Variants in ITGAM observed in about 807,000 individuals in gnomAD.
The protein encoded by ITGAM is integrin subunit alpha M.
A neutral mutation model predicts 137.5 loss-of-function variants in ITGAM; 79 were observed. That is an observed-to-expected ratio of 0.57 (90% CI 0.48 to 0.69). The LOEUF (loss-of-function observed/expected upper bound fraction) is 0.69, where lower values mean the gene tolerates loss of function less well. Ranked by LOEUF, ITGAM falls within the 30% of genes least tolerant of loss-of-function variation. The probability of loss-of-function intolerance (pLI) is 0.00; values close to 1 mark genes in which losing one functional copy is unlikely to be tolerated. For missense variants in ITGAM, 1,343 were observed against 1,483.5 expected (o/e 0.91, Z 1.56); for synonymous variants, 583 against 592.3 (o/e 0.98, Z 0.23).
At chr16:31,271,115 C>A in intron 6 of ITGAM, 31 bp downstream of exon 6, 2 of 1,479,360 alleles carry the variant, frequency 1.4e-6, no homozygotes, top group Non-Finnish European at 1.8e-6. Flanking sequence ...TAGGGAAGAG[C>A]CCACACGGGG....
At chr16:31,327,899 G>A in intron 22 of ITGAM, 1 of 511,274 alleles carries the variant, frequency 2.0e-6, no homozygotes, top group South Asian at 2.4e-5. Context: ...CTCTTCAGGA[G>A]GGCTGGCGAT....
rs192478987 is a variant in ITGAM at position 31,263,866 on chromosome 16, C to T, written c.135-1529C>T. On this transcript the variant is annotated intron_variant, in intron 2 of 29. Transcript: ENST00000544665. ...TTATTTATTTATTGAGATGGAGTCT[C>T]GCTTTGTCGTCCAGGCTGGAGTGCA... Among the ~76,000 whole-genome samples the T allele has an allele frequency of 3.4e-3, 517 of 149,966 alleles. 3 individuals carry two copies. The highest frequency in any genetic ancestry group is 0.012 in the African/African-American group (475 of 40,796).
intron 14 of ITGAM, among the ~76,000 whole-genome samples, chr16:31,302,462 T>TCTTTCTTC (rs2080213853): frequency 1.1e-5 from 1 of 94,500 alleles, no homozygotes; most frequent in African/African-American, 6.6e-5. Flanking sequence ...TTCCTTCCTT[T>TCTTTCTTC]CTTTCTTTCT....
rs2079701069 is a variant in ITGAM, at chr16:31,261,716, A to G, written c.53A>G (p.Asn18Ser). 2 of 1,612,412 alleles carry G rather than the reference A, an allele frequency of 1.2e-6. No homozygotes were observed. Among genetic ancestry groups the G allele is most frequent in the Non-Finnish European group, 1.7e-6 (2 of 1,179,336 alleles). The change falls in exon 2 of 30, where the codon AAC becomes AGC. Residue 18 changes from asparagine (N) to serine (S), a missense_variant. Asn to Ser is a conservative substitution (Grantham distance 46). Coordinates refer to ENST00000544665, the MANE Select transcript of ITGAM (RefSeq NM_000632.4). ...LTALTLCHGF[N>S]LDTENAMTFQ... ...GCCTTGACCTTATGTCATGGGTTCA[A>G]CTTGGACACTGAAAACGCAATGACC...
intron 14 of ITGAM, among the ~76,000 whole-genome samples, chr16:31,302,284 G>A (rs1187299213): frequency 1.3e-5 from 2 of 152,152 alleles, no homozygotes; most frequent in African/African-American, 4.8e-5. Flanking sequence ...CCAACTAGAG[G>A]CACTATTGAG....
At chr16:31,278,666 C>A (rs959933247) in intron 12 of ITGAM, among the ~76,000 whole-genome samples, 8 of 152,216 alleles carry the variant, frequency 5.3e-5, no homozygotes, top group African/African-American at 1.9e-4. Flanking sequence ...GCAAAACTCT[C>A]TAGTCAAAAT....
intron 23 of ITGAM, among the ~76,000 whole-genome samples, chr16:31,328,725 GGTGT>G (rs759605649): frequency 1.4e-5 from 2 of 143,210 alleles, no homozygotes; most frequent in East Asian, 2.2e-4. Flanking sequence ...TGTGTGCCTG[GGTGT>G]GTATTTGTGC....
chr16:31,295,444 T>C (rs555707403), intron 12 of ITGAM, among the ~76,000 whole-genome samples: 1 of 152,044 alleles, frequency 6.6e-6, no homozygotes, highest in East Asian at 1.9e-4. Context: ...GGTATTTTTT[T>C]TGATGCTATT....
chr16:31,275,812 C>A, intron 9 of ITGAM, 113 bp downstream of exon 9: 3 of 963,574 alleles, frequency 3.1e-6, no homozygotes, highest in East Asian at 2.6e-5. Flanking sequence ...CCAGCATCAA[C>A]TCTCTCCACT....
intron 16 of ITGAM, 81 bp downstream of exon 16, chr16:31,321,708 C>T: frequency 7.0e-7 from 1 of 1,426,246 alleles, no homozygotes; most frequent in Non-Finnish European, 9.6e-7. Context: ...GCCCAGCCTT[C>T]TGGCTGTCCT....
At position 31,264,942 on chromosome 16, in the gene ITGAM, A is replaced by G. The variant is rs990360571; in HGVS notation, c.135-453A>G. On this transcript the variant is annotated intron_variant, in intron 2 of 29. Transcript: ENST00000544665. ...GAGTGCAGTGGTGCTATCTCGGCTC[A>G]CTGCAACCTCTGCCTCCTGGGTTCA... 5.3e-5 allele frequency among the ~76,000 whole-genome samples: 8 copies of G among 152,146 alleles called. No homozygotes were observed. In the East Asian group the frequency reaches 1.5e-3, roughly 29 times the overall value.
chr16:31,325,566 G>A lies in ITGAM; in HGVS notation c.2572G>A (p.Ala858Thr). 1.2e-6 allele frequency: 2 copies of A among 1,613,906 alleles called. No homozygotes were observed. The highest frequency in any genetic ancestry group is 1.7e-6 in the Non-Finnish European group (2 of 1,179,860). ...TGCCTCCTCCACCGAAGTGTCTGGG[G>A]CCTTGAAGAGCACCAGCTGCAGCAT... ...ESASSTEVSG[A>T]LKSTSCSINH... The change falls in exon 21 of 30, where the codon GCC (alanine) becomes ACC (threonine). Residue 858 changes from alanine (A) to threonine (T), a missense_variant. Ala to Thr is a moderately conservative substitution (Grantham distance 58). Transcript: ENST00000544665.
intron 24 of ITGAM, 74 bp from the exon 25 acceptor site, chr16:31,329,724 G>A: frequency 7.7e-7 from 1 of 1,297,302 alleles, no homozygotes; most frequent in East Asian, 2.5e-5. Context: ...CCTGCCCCGT[G>A]GGGAGGGGAG....
intron 7 of ITGAM, among the ~76,000 whole-genome samples, chr16:31,272,606 C>T (rs1303528012): frequency 2.1e-5 from 3 of 145,076 alleles, no homozygotes; most frequent in African/African-American, 7.6e-5. Flanking sequence ...GCCTCAGCCT[C>T]CTGAGTAGCT....
At chr16:31,294,912 T>A (rs2080118852) in intron 12 of ITGAM, among the ~76,000 whole-genome samples, 1 of 152,184 alleles carries the variant, frequency 6.6e-6, no homozygotes, top group African/African-American at 2.4e-5. Context: ...TGGTTTGGGA[T>A]AAAGGTCTAA....
intron 12 of ITGAM, among the ~76,000 whole-genome samples, chr16:31,296,106 C>G (rs1213519687): frequency 7.6e-6 from 1 of 131,042 alleles, no homozygotes; most frequent in Non-Finnish European, 1.6e-5. Flanking sequence ...ATCTTTTTAT[C>G]TTTTTTTTTT....
rs912661185 is a variant in ITGAM at position 31,325,558 on chromosome 16, T to G, written c.2564T>G (p.Val855Gly). Reference protein sequence around the residue: ...LACESASSTEVSGALKSTSCS... With the variant: ...LACESASSTEGSGALKSTSCS... ...TGTGAGTCTGCCTCCTCCACCGAAG[T>G]GTCTGGGGCCTTGAAGAGCACCAGC... The change falls in exon 21 of 30, where the codon GTG (valine) becomes GGG (glycine). Residue 855 changes from valine (V) to glycine (G), a missense_variant. Val to Gly is a moderately radical substitution (Grantham distance 109). Transcript: ENST00000544665. 6.2e-7 allele frequency: 1 copy of G among 1,613,960 alleles called. No individual in the cohort carries two copies. The highest frequency in any genetic ancestry group is 8.5e-7 in the Non-Finnish European group (1 of 1,179,874).
intron 14 of ITGAM, among the ~76,000 whole-genome samples, chr16:31,311,547 C>A (rs1007475325): frequency 5.3e-5 from 8 of 152,326 alleles, no homozygotes; most frequent in Admixed American, 4.6e-4. Context: ...CTCATCATTA[C>A]TGGCCATCAG....
At chr16:31,298,947 G>A (rs931536439) in intron 14 of ITGAM, among the ~76,000 whole-genome samples, 3 of 152,110 alleles carry the variant, frequency 2.0e-5, no homozygotes, top group Admixed American at 2.0e-4. Context: ...CCACTGTCTG[G>A]AGGGACCCTT....
Sources: allele counts gnomAD v4.1 joint callset (sites outside exome capture counted in the v4.1 genomes callset), GRCh38; gene constraint gnomAD v4.1.1; transcripts MANE v1.5; gene names NCBI Gene and HGNC (gene_info 2026-07-23, HGNC 2026-07-21).